CDH12: variants seen among roughly 807,000 people sequenced by gnomAD.
The protein encoded by CDH12 is cadherin 12.
Under a neutral mutation model 74.1 loss-of-function variants are expected in CDH12, and 41 were observed. The observed-to-expected ratio is 0.55, with a 90% CI of 0.43 to 0.72. The LOEUF (loss-of-function observed/expected upper bound fraction) is 0.72. CDH12 is among the 30% of genes least tolerant of loss of function. The pLI, the probability that CDH12 is intolerant of heterozygous loss-of-function variation, is 0.00. For synonymous variants in CDH12, 399 were observed against 355.0 expected (o/e 1.12, Z -1.39); for missense variants, 945 against 977.2 (o/e 0.97, Z 0.44).
intron 3 of CDH12, among the ~76,000 whole-genome samples, chr5:22,357,682 T>G (rs1221501251): frequency 1.3e-5 from 2 of 152,168 alleles, no homozygotes; most frequent in Admixed American, 1.3e-4. Flanking sequence ...AGTGAGTAGT[T>G]AATATGCTTA....
chr5:22,468,180 C>G, intron 2 of CDH12, among the ~76,000 whole-genome samples: 1 of 152,204 alleles, frequency 6.6e-6, no homozygotes, highest in East Asian at 1.9e-4. Flanking sequence ...GCCAGCTTCA[C>G]AGAACTAAAG....
intron 3 of CDH12, among the ~76,000 whole-genome samples, chr5:22,362,651 A>G (rs1740862033): frequency 6.6e-6 from 1 of 151,998 alleles, no homozygotes; most frequent in Non-Finnish European, 1.5e-5. Context: ...TTGTGGCACT[A>G]TTCACAATAG....
rs149022306 is a variant in CDH12 at position 22,293,496 on chromosome 5, T to C, written c.-332-80853A>G. Among the ~76,000 whole-genome samples, 1,221 of 152,310 alleles carry C rather than the reference T, an allele frequency of 8.0e-3. 10 individuals are homozygous for C. Among genetic ancestry groups the C allele is most frequent in the Middle Eastern group, 0.01 (3 of 294 alleles). On this transcript the variant is annotated intron_variant, in intron 3 of 14. Coordinates refer to ENST00000382254, the MANE Select transcript of CDH12 (RefSeq NM_004061.5). ...ATATCCAAAGAAAATAAAATCATTA[T>C]GTCAAAGAGATTTCTGCACTCTCAT...
At chr5:22,814,328 A>T (rs749811352) in intron 1 of CDH12, among the ~76,000 whole-genome samples, 2 of 152,192 alleles carry the variant, frequency 1.3e-5, no homozygotes, top group Non-Finnish European at 2.9e-5. Context: ...AGATAATTTG[A>T]AACTAAAATA....
At chr5:22,549,770 T>C (rs1738487313) in intron 1 of CDH12, among the ~76,000 whole-genome samples, 1 of 152,182 alleles carries the variant, frequency 6.6e-6, no homozygotes, top group African/African-American at 2.4e-5. Context: ...TTTTAGTTAA[T>C]ACCAAGTATT....
intron 4 of CDH12, among the ~76,000 whole-genome samples, chr5:22,169,906 G>A (rs1382454755): frequency 1.3e-5 from 2 of 151,762 alleles, no homozygotes; most frequent in Non-Finnish European, 2.9e-5. Flanking sequence ...GAAAATATAG[G>A]TTCTATACTT....
intron 1 of CDH12, among the ~76,000 whole-genome samples, chr5:22,791,300 C>T (rs770311647): frequency 6.6e-6 from 1 of 151,990 alleles, no homozygotes; most frequent in Admixed American, 6.5e-5. Context: ...AAGCCTGCCA[C>T]CAATTAAAAG....
chr5:22,205,404 T>C (rs1478385896), intron 4 of CDH12, among the ~76,000 whole-genome samples: 1 of 152,158 alleles, frequency 6.6e-6, no homozygotes, highest in Non-Finnish European at 1.5e-5. Context: ...TTTTAAACAT[T>C]ACAGAAGAAA....
chr5:22,606,771 T>C (rs951703510), intron 1 of CDH12, among the ~76,000 whole-genome samples: 1 of 152,116 alleles, frequency 6.6e-6, no homozygotes, highest in South Asian at 2.1e-4. Flanking sequence ...CCCAAAAATA[T>C]GGAAGCAACT....
intron 6 of CDH12, among the ~76,000 whole-genome samples, chr5:21,974,840 A>T (rs1756993138): frequency 6.6e-6 from 1 of 152,170 alleles, no homozygotes; most frequent in Non-Finnish European, 1.5e-5. Flanking sequence ...TAAAGCATGC[A>T]AGGATTCTAT....
At chr5:22,615,766 G>C (rs957653337) in intron 1 of CDH12, among the ~76,000 whole-genome samples, 8 of 152,018 alleles carry the variant, frequency 5.3e-5, no homozygotes, top group Admixed American at 2.0e-4. Context: ...ATTAATCAAA[G>C]AGTCTCATGC....
chr5:22,766,843 T>C (rs1485142018), intron 1 of CDH12, among the ~76,000 whole-genome samples: 2 of 152,106 alleles, frequency 1.3e-5, no homozygotes, highest in African/African-American at 2.4e-5. Flanking sequence ...AGGATGTGCA[T>C]AGGTTATATG....
intron 2 of CDH12, among the ~76,000 whole-genome samples, chr5:22,461,859 C>T (rs1745540926): frequency 6.6e-6 from 1 of 151,178 alleles, no homozygotes; most frequent in Admixed American, 6.6e-5. Context: ...GTTATATGAG[C>T]ATATGAATAG....
chr5:22,009,617 G>C (rs1299727876), intron 5 of CDH12, among the ~76,000 whole-genome samples: 1 of 152,082 alleles, frequency 6.6e-6, no homozygotes, highest in Non-Finnish European at 1.5e-5. Flanking sequence ...CAACTCAACT[G>C]TGCAGTAAAA....
intron 4 of CDH12, among the ~76,000 whole-genome samples, chr5:22,106,534 A>G (rs191556680): frequency 6.6e-6 from 1 of 152,214 alleles, no homozygotes; most frequent in East Asian, 1.9e-4. Context: ...TCTAAACTAC[A>G]GACACTCTTC....
chr5:22,344,295 T>A (rs971056793), intron 3 of CDH12, among the ~76,000 whole-genome samples: 1 of 152,212 alleles, frequency 6.6e-6, no homozygotes, highest in African/African-American at 2.4e-5. Context: ...GTCACGACCA[T>A]ATTTTATATA....
intron 3 of CDH12, among the ~76,000 whole-genome samples, chr5:22,387,496 G>C (rs1742049436): frequency 6.6e-6 from 1 of 152,034 alleles, no homozygotes; most frequent in South Asian, 2.1e-4. Flanking sequence ...ACTGAAAACA[G>C]GTCACTAAGG....
chr5:22,049,972 A>G (rs944907742), intron 5 of CDH12, among the ~76,000 whole-genome samples: 2 of 152,094 alleles, frequency 1.3e-5, no homozygotes, highest in African/African-American at 4.8e-5. Context: ...CCCATTTTCT[A>G]CAGAACAAAG....
chr5:22,323,493 T>C (rs1176155135), intron 3 of CDH12, among the ~76,000 whole-genome samples: 1 of 152,152 alleles, frequency 6.6e-6, no homozygotes, highest in Admixed American at 6.5e-5. Context: ...TACTCATGAG[T>C]TATCAGAATT....
Sources: gnomAD v4.1 joint callset for allele counts (sites outside exome capture counted in the v4.1 genomes callset) on GRCh38, gnomAD v4.1.1 for gene constraint, MANE v1.5 for transcripts, NCBI Gene and HGNC (gene_info 2026-07-23, HGNC 2026-07-21) for gene names.